The following CERS6 variants were observed in gnomAD, a reference collection of about 807,000 sequenced individuals.
The protein encoded by CERS6 is ceramide synthase 6.
A neutral mutation model predicts 56.8 loss-of-function variants in CERS6; 26 were observed. The ratio of observed to expected loss-of-function variants is 0.46; its 90% CI spans 0.34 to 0.63. CERS6 has a LOEUF of 0.63. CERS6 is among the 30% of genes least tolerant of loss of function. The pLI is 0.01. For missense variants in CERS6, 415 were observed against 467.5 expected (o/e 0.89, Z 1.04); for synonymous variants, 164 against 173.3 (o/e 0.95, Z 0.42).
At chr2:168,632,925 C>T (rs1159880406) in intron 4 of CERS6, among the ~76,000 whole-genome samples, 1 of 152,068 alleles carries the variant, frequency 6.6e-6, no homozygotes, top group Non-Finnish European at 1.5e-5. Context: ...AGCTCTCATA[C>T]GGCAATGCGG....
At chr2:168,755,708 T>G (rs1684396617) in intron 8 of CERS6, among the ~76,000 whole-genome samples, 1 of 152,270 alleles carries the variant, frequency 6.6e-6, no homozygotes. Context: ...TTTCTGTGTT[T>G]CTGCTGTAAA....
chr2:168,570,236 G>A (rs963473028), intron 3 of CERS6, among the ~76,000 whole-genome samples: 1 of 152,132 alleles, frequency 6.6e-6, no homozygotes, highest in Admixed American at 6.6e-5. Context: ...CATTACTCAC[G>A]CACAAGAAAA....
At chr2:168,503,765 C>T (rs1275485408) in intron 1 of CERS6, among the ~76,000 whole-genome samples, 1 of 152,018 alleles carries the variant, frequency 6.6e-6, no homozygotes, top group Admixed American at 6.6e-5. Context: ...GGTGAGTTGA[C>T]CTTTTGGGTC....
intron 3 of CERS6, among the ~76,000 whole-genome samples, chr2:168,579,572 A>G (rs1683359296): frequency 6.6e-6 from 1 of 151,654 alleles, no homozygotes; most frequent in Admixed American, 6.6e-5. Context: ...TCTACGTTTG[A>G]TTCTTACTCA....
intron 3 of CERS6, among the ~76,000 whole-genome samples, chr2:168,575,298 A>C (rs1683234507): frequency 6.6e-6 from 1 of 152,164 alleles, no homozygotes; most frequent in African/African-American, 2.4e-5. Flanking sequence ...TTATAAAGAA[A>C]GGAGGTTTAA....
At chr2:168,491,301 G>C (rs1694367812) in intron 1 of CERS6, among the ~76,000 whole-genome samples, 1 of 152,186 alleles carries the variant, frequency 6.6e-6, no homozygotes, top group Admixed American at 6.5e-5. Context: ...ATAGGGCTTT[G>C]CGCCCATGTT....
At chr2:168,611,412 C>G (rs528698680) in intron 3 of CERS6, among the ~76,000 whole-genome samples, 33 of 152,274 alleles carry the variant, frequency 2.2e-4, no homozygotes, top group African/African-American at 7.9e-4. Context: ...AAGTTTGCAA[C>G]TTTTGTTTAG....
At chr2:168,537,930 A>G (rs918369633) in intron 1 of CERS6, among the ~76,000 whole-genome samples, 5 of 152,144 alleles carry the variant, frequency 3.3e-5, no homozygotes, top group African/African-American at 1.2e-4. Flanking sequence ...TGCCAGGGCA[A>G]AACCTTGTTG....
chr2:168,661,778 A>C (rs546129487), intron 4 of CERS6, among the ~76,000 whole-genome samples: 5 of 152,242 alleles, frequency 3.3e-5, no homozygotes, highest in Admixed American at 6.5e-5. Context: ...GAAGCATTAA[A>C]GCTGCCTGGC....
intron 4 of CERS6, among the ~76,000 whole-genome samples, chr2:168,682,544 C>T (rs1250381223): frequency 1.3e-5 from 2 of 151,258 alleles, no homozygotes; most frequent in African/African-American, 4.8e-5. Flanking sequence ...TGAGCAGTTG[C>T]ATGCACCCTT....
intron 8 of CERS6, among the ~76,000 whole-genome samples, chr2:168,765,277 T>A (rs1227848799): frequency 6.6e-6 from 1 of 152,228 alleles, no homozygotes; most frequent in Non-Finnish European, 1.5e-5. Context: ...ACAATGTGAA[T>A]GTACTTAAAG....
At chr2:168,660,703 A>G (rs936260673) in intron 4 of CERS6, among the ~76,000 whole-genome samples, 15 of 151,726 alleles carry the variant, frequency 9.9e-5, no homozygotes, top group African/African-American at 3.4e-4. Context: ...TTTTCCTCTA[A>G]AAATTTCACA....
chr2:168,602,242 T>G (rs2105263916), intron 3 of CERS6, among the ~76,000 whole-genome samples: 1 of 152,320 alleles, frequency 6.6e-6, no homozygotes, highest in East Asian at 1.9e-4. Context: ...CAAGTGATAT[T>G]AAAAATCAGT....
intron 1 of CERS6, among the ~76,000 whole-genome samples, chr2:168,498,239 C>A (rs1220159085): frequency 6.6e-6 from 1 of 152,030 alleles, no homozygotes; most frequent in African/African-American, 2.4e-5. Flanking sequence ...TTTTTAATCC[C>A]CCTCCACATC....
intron 1 of CERS6, among the ~76,000 whole-genome samples, chr2:168,499,895 G>A (rs1694549063): frequency 6.6e-6 from 1 of 152,124 alleles, no homozygotes; most frequent in Non-Finnish European, 1.5e-5. Context: ...TTTTTAGTCT[G>A]TGGAAAGCAG....
At chr2:168,688,942 G>A (rs925141548) in intron 4 of CERS6, among the ~76,000 whole-genome samples, 2 of 152,168 alleles carry the variant, frequency 1.3e-5, no homozygotes, top group East Asian at 3.9e-4. Context: ...CAGCCAAGAA[G>A]CTCACAAAGG....
At chr2:168,684,251 G>A (rs1462126226) in intron 4 of CERS6, among the ~76,000 whole-genome samples, 1 of 152,104 alleles carries the variant, frequency 6.6e-6, no homozygotes, top group East Asian at 1.9e-4. Context: ...CCTCTAGGGA[G>A]GGGTTACTGC....
At chr2:168,570,069 G>A (rs919395487) in intron 3 of CERS6, among the ~76,000 whole-genome samples, 26 of 152,110 alleles carry the variant, frequency 1.7e-4, no homozygotes, top group African/African-American at 5.3e-4. Flanking sequence ...CCACAAGCAT[G>A]CTACCTAAGA....
At chr2:168,721,811 G>A (rs62174437) in intron 8 of CERS6, among the ~76,000 whole-genome samples, 55,188 of 151,494 alleles carry the variant, frequency 0.36, 12,666 homozygotes, top group Non-Finnish European at 0.5. Context: ...GTAGAGACGG[G>A]GTCTCACTGC....
Sources: gnomAD v4.1 joint callset for allele counts (sites outside exome capture counted in the v4.1 genomes callset) on GRCh38, gnomAD v4.1.1 for gene constraint, MANE v1.5 for transcripts, NCBI Gene and HGNC (gene_info 2026-07-23, HGNC 2026-07-21) for gene names.